Variants in UPF2 observed in about 807,000 individuals in gnomAD.
UPF2 encodes regulator of nonsense transcripts 2.
A neutral mutation model predicts 141.4 loss-of-function variants in UPF2; 17 were observed. That is an observed-to-expected ratio of 0.12 (90% CI 0.08 to 0.18). UPF2 has a LOEUF of 0.18. UPF2 is among the 10% of genes least tolerant of loss of function. UPF2 has a pLI of 1.00. For synonymous variants in UPF2, 540 were observed against 498.0 expected (o/e 1.08, Z -1.12); for missense variants, 1,152 against 1,515.9 (o/e 0.76, Z 3.99).
chr10:11,942,782 C>T lies in UPF2; in HGVS notation c.3280-19G>A. 1 of 1,605,862 alleles carries T rather than the reference C, an allele frequency of 6.2e-7. No individual in the cohort carries two copies. Among genetic ancestry groups the T allele is most frequent in the Non-Finnish European group, 8.5e-7 (1 of 1,174,602 alleles). ...TTACCTCCTTATTAAAACAAAACAA[C>T]AAAATCAGACCAGAAATTTTAACTG... On this transcript the variant is annotated intron_variant, in intron 17 of 21. Transcript: ENST00000357604.
intron 1 of UPF2, among the ~76,000 whole-genome samples, chr10:12,040,372 A>G (rs543326267): frequency 6.6e-6 from 1 of 152,334 alleles, no homozygotes; most frequent in Admixed American, 6.5e-5. Context: ...CAGTGAGCCA[A>G]GATGGCACCA....
Position 11,931,860 on chromosome 10 carries a change from G to C in UPF2, c.3547-78C>G, listed in dbSNP as rs1357627651. The stretch of plus-strand genomic sequence containing the variant: ...GAAAAAACAGACTTCAAATAAAATA[G>C]CAAGTACAGGCTGGGCACGGTGGCT... On this transcript the variant is annotated intron_variant, in intron 19 of 21. Transcript: ENST00000357604. This position sits in a 1 kb window ranked among gnomAD's most constrained non-coding sequence, Gnocchi z 5.9. 5.3e-6 allele frequency: 8 copies of C among 1,497,278 alleles called. No homozygotes were observed. The highest frequency in any genetic ancestry group is 7.2e-6 in the Non-Finnish European group (8 of 1,115,628). 92.7% of individuals were successfully genotyped at this position (1,497,278 alleles called of 1,614,324 possible). A position where few individuals can be genotyped will look rare whatever the true frequency, so the allele number is the denominator to read the frequency against.
intron 9 of UPF2, among the ~76,000 whole-genome samples, chr10:11,977,495 A>C (rs745354929): frequency 3.9e-5 from 6 of 152,178 alleles, no homozygotes; most frequent in South Asian, 2.1e-4. Context: ...TTCAAATGAG[A>C]GAGTACATAT....
At chr10:11,938,870 T>TTG (rs1832898178) in intron 18 of UPF2, among the ~76,000 whole-genome samples, 1 of 112,564 alleles carries the variant, frequency 8.9e-6, no homozygotes, top group Non-Finnish European at 1.9e-5. Context: ...TTTTTTTTTT[T>TTG]TTTTTTTTTT....
chr10:12,035,161 T>C lies in UPF2; in HGVS notation c.263A>G (p.Lys88Arg). 6.2e-7 allele frequency: 1 copy of C among 1,606,396 alleles called. No homozygotes were observed. Among genetic ancestry groups the C allele is most frequent in the Non-Finnish European group, 8.5e-7 (1 of 1,178,564 alleles). The change falls in exon 2 of 22, where the codon AAA becomes AGA. Residue 88 changes from lysine to arginine, a missense_variant. Lys to Arg is a conservative substitution (Grantham distance 26, BLOSUM62 2). Coordinates refer to ENST00000357604, the MANE Select transcript of UPF2 (RefSeq NM_015542.4). ...EKVKAEEESKKKEEEEKKKHQ... is the reference protein window; with the variant it reads ...EKVKAEEESKRKEEEEKKKHQ... ...TTTCTTTTTTTCTTCCTCTTCTTTT[T>C]TCTTTGATTCTTCCTCTGCCTTCAC... is the stretch of plus-strand genomic sequence containing the variant.
intron 8 of UPF2, among the ~76,000 whole-genome samples, chr10:11,982,452 C>G (rs1465582045): frequency 6.6e-6 from 1 of 152,156 alleles, no homozygotes; most frequent in East Asian, 1.9e-4. Context: ...CACTGATGCT[C>G]TGACTCAGGG....
intron 9 of UPF2, 84 bp from the exon 10 acceptor site, chr10:11,967,538 T>C: frequency 1.7e-6 from 1 of 588,090 alleles, no homozygotes; most frequent in Non-Finnish European, 2.7e-6. Context: ...GCATTCGAAT[T>C]CACTCCAGTT....
chr10:11,974,504 G>A (rs888900438), intron 9 of UPF2, among the ~76,000 whole-genome samples: 2 of 152,148 alleles, frequency 1.3e-5, no homozygotes, highest in African/African-American at 2.4e-5. Context: ...GTATGATATT[G>A]GCTGTGGGTT....
chr10:11,954,160 C>G (rs1048795877), intron 14 of UPF2, among the ~76,000 whole-genome samples: 1 of 152,012 alleles, frequency 6.6e-6, no homozygotes, highest in Non-Finnish European at 1.5e-5. Context: ...GTAGTACTGT[C>G]CCTGTATTTG....
intron 8 of UPF2, among the ~76,000 whole-genome samples, chr10:11,984,460 G>C (rs1418640437): frequency 6.6e-6 from 1 of 151,966 alleles, no homozygotes; most frequent in Non-Finnish European, 1.5e-5. Flanking sequence ...ACCAGATCTT[G>C]AATTTCTAAA....
intron 8 of UPF2, among the ~76,000 whole-genome samples, chr10:11,994,801 C>T (rs909972561): frequency 4.0e-5 from 6 of 151,490 alleles, no homozygotes; most frequent in Non-Finnish European, 8.8e-5. Flanking sequence ...ACAATAAAAC[C>T]CCATCTCTAC....
rs1374057008 is a variant in UPF2, at chr10:11,980,006, C to A, written c.1845-841G>T. Among the ~76,000 whole-genome samples, 1 of 152,200 alleles carries A rather than the reference C, an allele frequency of 6.6e-6. No individual in the cohort carries two copies. The highest frequency in any genetic ancestry group is 1.5e-5 in the Non-Finnish European group (1 of 68,038). On this transcript the variant is annotated intron_variant, in intron 8 of 21. Transcript: ENST00000357604. The surrounding 1 kb of genome is among the most constrained non-coding windows in gnomAD (Gnocchi z 4.2). Reference sequence around the variant, plus strand: ...AAATACTAATTTATGTATTTCAACTCATTACAGAACCCACTCAGATCTTCA... The same window carrying A: ...AAATACTAATTTATGTATTTCAACTAATTACAGAACCCACTCAGATCTTCA...
At chr10:11,928,707 T>C in intron 21 of UPF2, 1 of 352,126 alleles carries the variant, frequency 2.8e-6, no homozygotes, top group Non-Finnish European at 5.6e-6. Flanking sequence ...AGACTCCGCC[T>C]CAGAAAAAAA....
chr10:12,031,476 A>C (rs1834523436), intron 2 of UPF2, among the ~76,000 whole-genome samples: 1 of 152,240 alleles, frequency 6.6e-6, no homozygotes, highest in South Asian at 2.1e-4. Flanking sequence ...GAGGGGCAAC[A>C]ATCTGATTTT....
rs1833904508 is a variant in UPF2, at chr10:11,998,745, T to A, written c.1759-988A>T. Among the ~76,000 whole-genome samples, 3 of 151,922 alleles carry A rather than the reference T, an allele frequency of 2.0e-5. No homozygotes were observed. The highest frequency in any genetic ancestry group is 1.3e-4 in the Admixed American group (2 of 15,248). ...GGCGGGCACCTGTAGTCCCAGCTACTCGGGAGGCTGAGGCAGGAGAATGGC... is the reference window on the plus strand; with the variant it reads ...GGCGGGCACCTGTAGTCCCAGCTACACGGGAGGCTGAGGCAGGAGAATGGC... On this transcript the variant is annotated intron_variant, in intron 7 of 21. Coordinates refer to ENST00000357604, the MANE Select transcript of UPF2 (RefSeq NM_015542.4). The surrounding 1 kb of genome is among the most constrained non-coding windows in gnomAD (Gnocchi z 4.5).
chr10:11,929,528 T>C (rs1239158200), intron 21 of UPF2, among the ~76,000 whole-genome samples: 1 of 152,066 alleles, frequency 6.6e-6, no homozygotes, highest in East Asian at 1.9e-4. Flanking sequence ...TCCCAGCTAC[T>C]TGGGAGGCTG....
chr10:11,940,457 G>A lies in UPF2; in HGVS notation c.3378+2208C>T, dbSNP rs927655295. Among the ~76,000 whole-genome samples the A allele has an allele frequency of 6.6e-6, 1 of 152,012 alleles. No homozygotes were observed. The stretch of plus-strand genomic sequence containing the variant: ...CATCACATTTCTGTTTTCACTCCAC[G>A]TAACCTTCTGATCTCCATACATTTC... On this transcript the variant is annotated intron_variant, in intron 18 of 21. Coordinates refer to ENST00000357604, the MANE Select transcript of UPF2 (RefSeq NM_015542.4). This position sits in a 1 kb window ranked among gnomAD's most constrained non-coding sequence, Gnocchi z 4.2.
In UPF2 at chr10:12,028,926, G is replaced by A. The variant is rs1046262959; in HGVS notation, c.964C>T (p.Leu322Phe). Reference protein sequence around the residue: ...CRHCGDDIAGLVPRKVKSAAE... With the variant: ...CRHCGDDIAGFVPRKVKSAAE... Reference sequence around the variant, plus strand: ...GCACTCTTTACTTTCCTTGGTACAAGTCCAGCAATATCATCTCCACAATGT... The same window carrying A: ...GCACTCTTTACTTTCCTTGGTACAAATCCAGCAATATCATCTCCACAATGT... The change falls in exon 3 of 22, where the codon CTT (leucine) becomes TTT (phenylalanine). Residue 322 changes from leucine to phenylalanine, a missense_variant. This residue lies in a region of UPF2 where 739 missense variants were observed against 1,032.2 expected (regional missense o/e 0.72). Transcript: ENST00000357604. 12 of 1,614,002 alleles carry A rather than the reference G, an allele frequency of 7.4e-6. No individual in the cohort carries two copies. The highest frequency in any genetic ancestry group is 1.3e-5 in the African/African-American group (1 of 74,902).
At chr10:11,927,085 C>T (rs1832722586) in intron 21 of UPF2, among the ~76,000 whole-genome samples, 1 of 152,216 alleles carries the variant, frequency 6.6e-6, no homozygotes, top group Non-Finnish European at 1.5e-5. Flanking sequence ...CCATACTCGG[C>T]TTCCCTACTG....
Sources: gnomAD v4.1 joint callset for allele counts (sites outside exome capture counted in the v4.1 genomes callset) on GRCh38, gnomAD v4.1.1 for gene constraint, gnomAD v4.1.1 regional missense constraint, Gnocchi (gnomAD v3.1) non-coding constraint, MANE v1.5 for transcripts, NCBI Gene and HGNC (gene_info 2026-07-23, HGNC 2026-07-21) for gene names.